The following AK2 variants were observed in gnomAD, a reference collection of about 807,000 sequenced individuals.
The protein encoded by AK2 is adenylate kinase 2, mitochondrial.
Under a neutral mutation model 24.6 loss-of-function variants are expected in AK2, and 15 were observed. The observed-to-expected ratio is 0.61, with a 90% CI of 0.41 to 0.94. The LOEUF is 0.94. Ranked by LOEUF, AK2 falls within the 40% of genes least tolerant of loss-of-function variation. AK2 has a pLI of 0.00. For missense variants in AK2, 257 were observed against 304.1 expected (o/e 0.85, Z 1.15); for synonymous variants, 102 against 114.0 (o/e 0.90, Z 0.67).
intron 1 of AK2, among the ~76,000 whole-genome samples, chr1:33,036,320 G>C (rs1309893108): frequency 6.6e-6 from 1 of 151,962 alleles, no homozygotes; most frequent in African/African-American, 2.4e-5. Context: ...CCGACCTCCA[G>C]TGCCTGGAAT....
intron 1 of AK2, chr1:33,032,580 A>G (rs1395312496): frequency 6.6e-6 from 1 of 152,164 alleles, no homozygotes; most frequent in Non-Finnish European, 1.5e-5. Flanking sequence ...TAATTAGAAT[A>G]CCACCATTTC....
In AK2 at chr1:33,022,634, G is replaced by C. The variant is rs139422154; in HGVS notation, c.220-931C>G. On this transcript the variant is annotated intron_variant, in intron 2 of 5. Transcript: ENST00000672715. ...AGCCTCCCAAAGTGTTAGTATTACA[G>C]GAGTGAGCCACCATGTCCAGCCCTA... Among the ~76,000 whole-genome samples the C allele has an allele frequency of 8.4e-3, 1,285 of 152,202 alleles. 6 individuals carry two copies. Among genetic ancestry groups the C allele is most frequent in the Non-Finnish European group, 0.014 (966 of 68,018 alleles).
At chr1:33,020,128 G>T (rs549708883) in intron 4 of AK2, 24 of 1,534,798 alleles carry the variant, frequency 1.6e-5, no homozygotes, top group South Asian at 2.4e-5. Context: ...CAGAACAAAC[G>T]TGTCCAGAAG....
At position 33,014,944 on chromosome 1, in the gene AK2, C is replaced by A. The variant is rs563027775; in HGVS notation, c.426-350G>T. 5.3e-5 allele frequency among the ~76,000 whole-genome samples: 8 copies of A among 152,320 alleles called. No individual in the cohort carries two copies. The South Asian group carries it at 1.7e-3, about 32-fold the overall frequency. On this transcript the variant is annotated intron_variant, in intron 4 of 5. Coordinates refer to ENST00000672715, the MANE Select transcript of AK2 (RefSeq NM_001625.4). ...AACATTAATAAGTATTCCATTCAAG[C>A]CTTAAGCTGAATTCAGAAGCTACAA...
Position 33,009,836 on chromosome 1 carries a change from G to A in AK2, c.*3345C>T, listed in dbSNP as rs1250001794. ...CACACAGCTGCCAGCGACAAGAAAG[G>A]GCTTCTTTTCCTTCCAGCCAGGTCC... On this transcript the variant is annotated 3_prime_UTR_variant, in exon 6 of 6. Transcript: ENST00000672715. 2.2e-6 allele frequency: 1 copy of A among 454,338 alleles called. No individual in the cohort carries two copies. Among genetic ancestry groups the A allele is most frequent in the East Asian group, 6.9e-5 (1 of 14,394 alleles). 28.1% of individuals were successfully genotyped at this position (454,338 alleles called of 1,614,324 possible).
intron 5 of AK2, 40 bp downstream of exon 5, chr1:33,014,482 A>G: frequency 6.8e-7 from 1 of 1,476,552 alleles, no homozygotes; most frequent in East Asian, 2.3e-5. Flanking sequence ...AAGAAAGGGG[A>G]AGGAAAGAAA....
chr1:33,024,179 G>T (rs1317317647), intron 2 of AK2: 4 of 449,318 alleles, frequency 8.9e-6, no homozygotes, highest in Non-Finnish European at 1.2e-5. Context: ...AAAAAAAAAA[G>T]AAAAAAAATT....
intron 1 of AK2, among the ~76,000 whole-genome samples, chr1:33,026,854 A>G (rs1361336874): frequency 2.0e-5 from 3 of 151,750 alleles, no homozygotes; most frequent in East Asian, 3.9e-4. Context: ...GGTTGGGCGC[A>G]GTGGCTCACA....
At chr1:33,017,403 A>G (rs1316990310) in intron 4 of AK2, among the ~76,000 whole-genome samples, 2 of 152,126 alleles carry the variant, frequency 1.3e-5, no homozygotes, top group Admixed American at 6.5e-5. Context: ...AGACCCAGGG[A>G]AAGGAGAGAG....
chr1:33,034,211 T>C (rs886660983), intron 1 of AK2, among the ~76,000 whole-genome samples: 9 of 152,168 alleles, frequency 5.9e-5, no homozygotes, highest in African/African-American at 2.2e-4. Context: ...CTCCCAGCTC[T>C]AATCACATCT....
At chr1:33,030,515 T>G (rs1640173028) in intron 1 of AK2, among the ~76,000 whole-genome samples, 1 of 152,030 alleles carries the variant, frequency 6.6e-6, no homozygotes, top group Non-Finnish European at 1.5e-5. Context: ...GACCGTGCCA[T>G]TGCACTCCAG....
intron 1 of AK2, among the ~76,000 whole-genome samples, chr1:33,033,538 T>C (rs984341509): frequency 1.3e-5 from 2 of 152,206 alleles, no homozygotes; most frequent in African/African-American, 4.8e-5. Context: ...CTTAAAATTA[T>C]CACATTGGTA....
At chr1:33,035,843 G>GT (rs1640545708) in intron 1 of AK2, among the ~76,000 whole-genome samples, 2 of 151,936 alleles carry the variant, frequency 1.3e-5, no homozygotes, top group Admixed American at 1.3e-4. Flanking sequence ...TTCTGGGCCT[G>GT]TTTTTTAACC....
In AK2 at chr1:33,011,770, ATAGTTGGGAAGC is replaced by A. The variant is rs1398544815; in HGVS notation, c.*1399_*1410del. The A allele has an allele frequency of 2.1e-6, 3 of 1,424,108 alleles. No homozygotes were observed. In the African/African-American group the frequency reaches 4.3e-5, roughly 20 times the overall value. The allele number at this position is 1,424,108 out of a possible 1,614,324, so 88.2% of individuals were successfully genotyped here. ...CAGCAGGGACCTTAGAAAATGCTCAATAGTTGGGAAGCTAAGGTTATGAATAAAAGCTGGTAA... is the reference window on the plus strand; with the variant it reads ...CAGCAGGGACCTTAGAAAATGCTCAATAAGGTTATGAATAAAAGCTGGTAA... On this transcript the variant is annotated 3_prime_UTR_variant, in exon 6 of 6. Transcript: ENST00000672715.
Position 33,021,573 on chromosome 1 carries a change from A to G in AK2, c.330+20T>C. The G allele has an allele frequency of 6.2e-7, 1 of 1,612,382 alleles. No individual in the cohort carries two copies. The highest frequency in any genetic ancestry group is 8.5e-7 in the Non-Finnish European group (1 of 1,178,386). On this transcript the variant is annotated intron_variant, in intron 3 of 5. Coordinates refer to ENST00000672715, the MANE Select transcript of AK2 (RefSeq NM_001625.4). ...GAATTTGGTTTCATGCAGTAGTAAT[A>G]TAAAAACTAAGCTACCCACCATTTC...
intron 2 of AK2, chr1:33,024,179 GA>G (rs1243035284): frequency 1.6e-5 from 7 of 449,308 alleles, no homozygotes; most frequent in Non-Finnish European, 2.5e-5. Flanking sequence ...AAAAAAAAAA[GA>G]AAAAAAATTT....
Position 33,024,560 on chromosome 1 carries a change from C to G in AK2, c.101G>C (p.Arg34Thr). The G allele has an allele frequency of 6.2e-7, 1 of 1,614,174 alleles. No individual in the cohort carries two copies. Among genetic ancestry groups the G allele is most frequent in the Non-Finnish European group, 8.5e-7 (1 of 1,180,006 alleles). Residue 34 changes from arginine (R) to threonine (T), a missense_variant, in exon 2 of 6, where the codon AGA (arginine) becomes ACA (threonine). Transcript: ENST00000672715. ...PGAGKGTQAP[R>T]LAENFCVCHL... ...GCAGACACAGAAGTTTTCAGCCAAT[C>G]TGGGTGCCTACAGAGAGGAAGACAA...
At chr1:33,014,619 G>A in intron 4 of AK2, 25 bp from the exon 5 acceptor site, 1 of 1,601,992 alleles carries the variant, frequency 6.2e-7, no homozygotes, top group African/African-American at 1.3e-5. Context: ...ATGAATATGA[G>A]TTAGGTTAAC....
At chr1:33,025,186 C>T (rs1024292216) in intron 1 of AK2, among the ~76,000 whole-genome samples, 2 of 71,512 alleles carry the variant, frequency 2.8e-5, no homozygotes, top group African/African-American at 8.1e-5. Context: ...GAGACTTCGT[C>T]TCAAAAAAAA....
Sources: gnomAD v4.1 joint callset for allele counts (sites outside exome capture counted in the v4.1 genomes callset) on GRCh38, gnomAD v4.1.1 for gene constraint, MANE v1.5 for transcripts, NCBI Gene and HGNC (gene_info 2026-07-23, HGNC 2026-07-21) for gene names.